The following MAP4 variants were observed in gnomAD, a reference collection of about 807,000 sequenced individuals.
The protein encoded by MAP4 is microtubule associated protein 4, also known as microtubule-associated protein 4.
A neutral mutation model predicts 170.2 loss-of-function variants in MAP4; 76 were observed. The observed-to-expected ratio is 0.45, with a 90% confidence interval of 0.37 to 0.54. MAP4 has a LOEUF of 0.54. MAP4 is among the 20% of genes least tolerant of loss of function. The pLI, the probability that MAP4 is intolerant of heterozygous loss-of-function variation, is 0.00. For missense variants in MAP4, 2,506 were observed against 2,748.0 expected (o/e 0.91, Z 1.97); for synonymous variants, 909 against 994.5 (o/e 0.91, Z 1.62).
Position 47,998,649 on chromosome 3 carries a change from C to T in MAP4, c.212G>A (p.Ser71Asn). 1 of 1,613,668 alleles carries T rather than the reference C, an allele frequency of 6.2e-7. No individual in the cohort carries two copies. Among genetic ancestry groups the T allele is most frequent in the Non-Finnish European group, 8.5e-7 (1 of 1,179,624 alleles). ...ESKKKPCSET[S>N]QIEDTPSSKP... The stretch of plus-strand genomic sequence containing the variant: ...GTTTAAATACTTACCTTCAATCTGG[C>T]TAGTTTCTGAGCACGGTTTCTTCTT... Residue 71 changes from serine to asparagine, a missense_variant, in exon 2 of 21, where the codon AGC (serine) becomes AAC (asparagine). By Grantham distance (46) the Ser-to-Asn change is conservative. Coordinates refer to ENST00000683076, the MANE Select transcript of MAP4 (RefSeq NM_001385682.1).
At chr3:48,058,517 A>G (rs2154556238) in intron 1 of MAP4, among the ~76,000 whole-genome samples, 1 of 152,320 alleles carries the variant, frequency 6.6e-6, no homozygotes, top group South Asian at 2.1e-4. Context: ...ATTATGTCTT[A>G]TCTTTTAGAG....
intron 1 of MAP4, among the ~76,000 whole-genome samples, chr3:48,071,776 T>C (rs2100141150): frequency 6.6e-6 from 1 of 151,640 alleles, no homozygotes; most frequent in Non-Finnish European, 1.5e-5. Context: ...TGGTGGTGCG[T>C]ACCTGTAGTC....
chr3:47,909,702 AC>A lies in MAP4; in HGVS notation c.4718del (p.Gly1573ValfsTer9). ...SVEKVTELAK[G>X]HLLPGVPVED... ...CTACTGGCACTCCAGGAAGGAGGTG[AC>A]CTTTTGCTAGCTCTGTGACTTTCTC... is the stretch of plus-strand genomic sequence containing the variant. On this transcript the variant is annotated frameshift_variant, in exon 9 of 21. Transcript: ENST00000683076. LOFTEE classifies it high-confidence loss of function. 1 of 1,613,930 alleles carries A rather than the reference AC, an allele frequency of 6.2e-7. No homozygotes were observed.
At chr3:47,875,615 C>T in intron 12 of MAP4, 70 bp downstream of exon 12, 1 of 1,320,794 alleles carries the variant, frequency 7.6e-7, no homozygotes, top group South Asian at 1.3e-5. Context: ...CTGTTAGCAA[C>T]AAGGATCTGT....
At chr3:48,009,670 C>T (rs948051327) in intron 1 of MAP4, among the ~76,000 whole-genome samples, 1 of 152,092 alleles carries the variant, frequency 6.6e-6, no homozygotes, top group Non-Finnish European at 1.5e-5. Flanking sequence ...TCTGAATCAG[C>T]GTCCAATATA....
At position 47,910,292 on chromosome 3, in the gene MAP4, C is replaced by G. The variant is rs1189840557; in HGVS notation, c.4129G>C (p.Glu1377Gln). The G allele has an allele frequency of 2.5e-6, 4 of 1,593,384 alleles. No homozygotes were observed. Among genetic ancestry groups the G allele is most frequent in the Non-Finnish European group, 3.4e-6 (4 of 1,174,742 alleles). The part of the protein sequence containing the change: ...KSKKVKNSSP[E>Q]KHILENKIDA... The stretch of plus-strand genomic sequence containing the variant: ...ATCTTATTCTCCAGAATGTGCTTCT[C>G]AGGAGAACTATTTTTAACCTTTTTA... The change falls in exon 9 of 21, where the codon GAG becomes CAG. Residue 1377 changes from glutamate (E) to glutamine (Q), a missense_variant. Around this residue, in one of 3 missense-constraint regions of MAP4, gnomAD observed 2,008 missense variants for 2,206.0 expected, o/e 0.91. Coordinates refer to ENST00000683076, the MANE Select transcript of MAP4 (RefSeq NM_001385682.1).
At chr3:47,889,002 C>T (rs1027545120) in intron 10 of MAP4, among the ~76,000 whole-genome samples, 2 of 152,168 alleles carry the variant, frequency 1.3e-5, no homozygotes, top group African/African-American at 4.8e-5. Context: ...GACAGTCATG[C>T]AACATCGGAA....
chr3:47,939,290 A>G (rs1015971282), intron 3 of MAP4, among the ~76,000 whole-genome samples: 2 of 152,140 alleles, frequency 1.3e-5, no homozygotes, highest in African/African-American at 4.8e-5. Context: ...TTAAAAAATT[A>G]AAAAGCCTTT....
chr3:47,975,813 G>A (rs1293270288), intron 3 of MAP4, among the ~76,000 whole-genome samples: 3 of 148,086 alleles, frequency 2.0e-5, no homozygotes, highest in African/African-American at 5.0e-5. Context: ...TTTTTGAGAC[G>A]GAGTCTTGCT....
chr3:48,058,355 A>T (rs908257871), intron 1 of MAP4, among the ~76,000 whole-genome samples: 2 of 152,240 alleles, frequency 1.3e-5, no homozygotes, highest in Non-Finnish European at 2.9e-5. Flanking sequence ...TTTAAAAATT[A>T]GCATATAGTA....
intron 1 of MAP4, 28 bp from the exon 2 acceptor site, chr3:47,998,907 G>T: frequency 7.7e-7 from 1 of 1,302,432 alleles, no homozygotes; most frequent in Non-Finnish European, 1.1e-6. Context: ...GATCTTTCAT[G>T]TAACGAGCAC....
Position 47,910,135 on chromosome 3 carries a change from GATTT to G in MAP4, c.4282_4285del (p.Lys1428HisfsTer4). ...TGATTCCAGAACCTCTAGAGGAGATGATTTATTTATCAGCTCTGATGGTGTTCTG... is the reference window on the plus strand; with the variant it reads ...TGATTCCAGAACCTCTAGAGGAGATGATTTATCAGCTCTGATGGTGTTCTG... On this transcript the variant is annotated frameshift_variant, in exon 9 of 21. Transcript: ENST00000683076. LOFTEE classifies it high-confidence loss of function. The G allele has an allele frequency of 1.2e-6, 2 of 1,613,954 alleles. No individual in the cohort carries two copies. The highest frequency in any genetic ancestry group is 2.2e-5 in the South Asian group (2 of 91,072).
chr3:47,933,893 C>T (rs982804510), intron 3 of MAP4, among the ~76,000 whole-genome samples: 3 of 152,176 alleles, frequency 2.0e-5, no homozygotes, highest in African/African-American at 7.2e-5. Flanking sequence ...TGTGTCACTG[C>T]ACCTGGCCCC....
chr3:47,920,905 C>G (rs1317947676), intron 5 of MAP4, among the ~76,000 whole-genome samples: 2 of 152,170 alleles, frequency 1.3e-5, no homozygotes, highest in Non-Finnish European at 2.9e-5. Flanking sequence ...CGCCTGTAAT[C>G]TCAGCACTTT....
intron 3 of MAP4, among the ~76,000 whole-genome samples, chr3:47,945,655 G>C (rs1365740062): frequency 6.6e-6 from 1 of 151,874 alleles, no homozygotes; most frequent in Non-Finnish European, 1.5e-5. Context: ...TCTTCTTTTT[G>C]CAACACCTTT....
chr3:48,074,754 C>T (rs2100143016), intron 1 of MAP4, among the ~76,000 whole-genome samples: 2 of 143,752 alleles, frequency 1.4e-5, no homozygotes, highest in South Asian at 4.5e-4. Context: ...GTCTCGAACT[C>T]CTGGGCTCAA....
intron 3 of MAP4, among the ~76,000 whole-genome samples, chr3:47,961,340 A>C (rs1420112619): frequency 6.6e-6 from 1 of 152,232 alleles, no homozygotes; most frequent in Non-Finnish European, 1.5e-5. Flanking sequence ...TGATTCTATT[A>C]AAACAAACAA....
Position 47,910,000 on chromosome 3 carries a change from G to A in MAP4, c.4421C>T (p.Ser1474Phe), listed in dbSNP as rs1253541961. ...GTAGTTATCTACCATTAATGATTTG[G>A]AAATCTGGGCTGGGGCTATCTCTTG... Reference protein sequence around the residue: ...NGQEIAPAQISKSLMVDNYTK... With the variant: ...NGQEIAPAQIFKSLMVDNYTK... The change falls in exon 9 of 21, where the codon TCC becomes TTC. Residue 1474 changes from serine to phenylalanine, a missense_variant. This residue lies in a region of MAP4 where 2,008 missense variants were observed against 2,206.0 expected (regional missense o/e 0.91). Transcript: ENST00000683076. 6.2e-7 allele frequency: 1 copy of A among 1,613,884 alleles called. No individual in the cohort carries two copies. Among genetic ancestry groups the A allele is most frequent in the Non-Finnish European group, 8.5e-7 (1 of 1,179,898 alleles).
At chr3:47,864,046 C>T (rs78616996) in intron 17 of MAP4, among the ~76,000 whole-genome samples, 2,546 of 151,880 alleles carry the variant, frequency 0.017, 65 homozygotes, top group African/African-American at 0.049. Flanking sequence ...GGTGCCATCA[C>T]GGCTCATTGC....
Sources: allele counts gnomAD v4.1 joint callset (sites outside exome capture counted in the v4.1 genomes callset), GRCh38; gene constraint gnomAD v4.1.1; regional missense constraint gnomAD v4.1.1; transcripts MANE v1.5; gene names NCBI Gene and HGNC (gene_info 2026-07-23, HGNC 2026-07-21).